ADGRL4: variants seen among roughly 807,000 people sequenced by gnomAD.
ADGRL4 encodes EGF, latrophilin and seven transmembrane domain containing 1.
ADGRL4 carries 90 observed loss-of-function variants against 74.8 expected under a neutral mutation model. The ratio of observed to expected loss-of-function variants is 1.20; its 90% confidence interval spans 1.02 to 1.43. The LOEUF (loss-of-function observed/expected upper bound fraction) is 1.43. ADGRL4 is among the 40% of genes most tolerant of loss of function. ADGRL4 has a pLI of 0.00. For missense variants in ADGRL4, 881 were observed against 814.3 expected (o/e 1.08, Z -1.00); for synonymous variants, 311 against 279.2 (o/e 1.11, Z -1.14).
intron 2 of ADGRL4, among the ~76,000 whole-genome samples, chr1:78,955,140 A>G (rs1356005407): frequency 2.6e-5 from 4 of 152,130 alleles, no homozygotes; most frequent in Non-Finnish European, 5.9e-5. Context: ...TAGACAAAAT[A>G]TAAGATCTCA....
At position 78,890,696 on chromosome 1, in the gene ADGRL4, A is replaced by C. The variant is rs1339221969; in HGVS notation, c.*458T>G. ...AAATACATCTTATCATTCCCTTTTC[A>C]CTGTTTGATATTCTGCCCCTTCATT... is the stretch of plus-strand genomic sequence containing the variant. On this transcript the variant is annotated 3_prime_UTR_variant, in exon 15 of 15. Transcript: ENST00000370742. 1 of 154,098 alleles carries C rather than the reference A, an allele frequency of 6.5e-6. No individual in the cohort carries two copies. The highest frequency in any genetic ancestry group is 1.9e-4 in the East Asian group (1 of 5,278). The allele number at this position is 154,098 out of a possible 1,614,324, so 9.5% of individuals were successfully genotyped here.
chr1:78,913,956 G>T (rs1648816453), intron 12 of ADGRL4, among the ~76,000 whole-genome samples: 1 of 151,768 alleles, frequency 6.6e-6, no homozygotes, highest in African/African-American at 2.4e-5. Flanking sequence ...TGACAATCTG[G>T]ACTAAGAAGT....
At chr1:78,999,383 G>C (rs1294149461) in intron 2 of ADGRL4, among the ~76,000 whole-genome samples, 2 of 152,130 alleles carry the variant, frequency 1.3e-5, no homozygotes, top group Admixed American at 1.3e-4. Context: ...GAATTAAAAT[G>C]TATTATAATC....
At chr1:78,927,593 A>T (rs1245465471) in intron 7 of ADGRL4, among the ~76,000 whole-genome samples, 1 of 152,142 alleles carries the variant, frequency 6.6e-6, no homozygotes, top group African/African-American at 2.4e-5. Context: ...TATTGATAAC[A>T]TGTAATTATG....
At chr1:79,003,588 T>G (rs1650886283) in intron 2 of ADGRL4, among the ~76,000 whole-genome samples, 1 of 151,980 alleles carries the variant, frequency 6.6e-6, no homozygotes, top group Admixed American at 6.6e-5. Context: ...CTGCATTAGA[T>G]AATGGAAGAT....
chr1:78,990,133 C>A (rs1415305136), intron 2 of ADGRL4, among the ~76,000 whole-genome samples: 1 of 151,916 alleles, frequency 6.6e-6, no homozygotes, highest in Non-Finnish European at 1.5e-5. Flanking sequence ...CATAGTGCTT[C>A]ATCCTCAAAA....
intron 3 of ADGRL4, among the ~76,000 whole-genome samples, chr1:78,941,791 C>T (rs1013225149): frequency 1.3e-5 from 2 of 152,276 alleles, no homozygotes; most frequent in African/African-American, 2.4e-5. Context: ...CTAAAACCTA[C>T]GGTTTCCTCT....
At chr1:78,946,762 T>C (rs974579296) in intron 2 of ADGRL4, among the ~76,000 whole-genome samples, 1 of 152,200 alleles carries the variant, frequency 6.6e-6, no homozygotes, top group Non-Finnish European at 1.5e-5. Context: ...TTTATGGTAC[T>C]CTTCATAATC....
intron 2 of ADGRL4, among the ~76,000 whole-genome samples, chr1:78,983,524 A>C (rs770355337): frequency 2.0e-4 from 31 of 151,808 alleles, no homozygotes; most frequent in Non-Finnish European, 4.1e-4. Flanking sequence ...AGAAAAAATG[A>C]AGTGAAAGAT....
intron 8 of ADGRL4, among the ~76,000 whole-genome samples, chr1:78,925,833 T>C (rs1649100942): frequency 6.6e-6 from 1 of 152,010 alleles, no homozygotes; most frequent in Non-Finnish European, 1.5e-5. Flanking sequence ...GCCAAACCAT[T>C]CCACTGATGA....
At chr1:78,923,644 A>G (rs534794406) in intron 8 of ADGRL4, among the ~76,000 whole-genome samples, 1 of 151,360 alleles carries the variant, frequency 6.6e-6, no homozygotes, top group African/African-American at 2.4e-5. Flanking sequence ...AGCTTTTTTA[A>G]AAAAATATAT....
chr1:78,939,039 A>C (rs1649419588), intron 4 of ADGRL4, 149 bp downstream of exon 4: 1 of 1,056,650 alleles, frequency 9.5e-7, no homozygotes, highest in African/African-American at 1.7e-5. Context: ...TTTGATGCAA[A>C]CATGATGCTT....
intron 12 of ADGRL4, among the ~76,000 whole-genome samples, chr1:78,896,518 G>A (rs1309943716): frequency 1.3e-5 from 2 of 152,036 alleles, no homozygotes; most frequent in African/African-American, 4.8e-5. Context: ...TAAGTTATCA[G>A]TCAGTGAACT....
intron 4 of ADGRL4, 70 bp from the exon 5 acceptor site, chr1:78,938,349 A>G (rs2100688708): frequency 1.5e-6 from 2 of 1,304,664 alleles, no homozygotes; most frequent in East Asian, 2.5e-5. Flanking sequence ...AATAAAACTT[A>G]CATGTTAAAT....
In ADGRL4 at chr1:79,006,694, C is replaced by T. The variant is rs1264072023; in HGVS notation, c.-40G>A. 11 of 1,461,282 alleles carry T rather than the reference C, an allele frequency of 7.5e-6. No homozygotes were observed. The highest frequency in any genetic ancestry group is 5.9e-5 in the African/African-American group (4 of 67,244). The allele number at this position is 1,461,282 out of a possible 1,614,324, so 90.5% of individuals were successfully genotyped here. A position where few individuals can be genotyped will look rare whatever the true frequency, so the allele number is the denominator to read the frequency against. ...GTGGTGGCGGTGGCGGAGAGCGCGG[C>T]GGAGTGAGTGCGGCTGTGGACCCGG... On this transcript the variant is annotated 5_prime_UTR_variant, in exon 1 of 15. Transcript: ENST00000370742.
chr1:78,969,155 CTCTT>C (rs1408614697), intron 2 of ADGRL4, among the ~76,000 whole-genome samples: 1 of 152,184 alleles, frequency 6.6e-6, no homozygotes, highest in African/African-American at 2.4e-5. Flanking sequence ...ATATTTGTCT[CTCTT>C]TCTCCCTGGC....
chr1:78,976,650 T>C (rs1490172881), intron 2 of ADGRL4, among the ~76,000 whole-genome samples: 1 of 151,548 alleles, frequency 6.6e-6, no homozygotes, highest in Non-Finnish European at 1.5e-5. Flanking sequence ...TTCTGAATCT[T>C]TATAAAAAAG....
At chr1:78,926,727 A>ATATTT (rs1649121549) in intron 8 of ADGRL4, among the ~76,000 whole-genome samples, 159 bp downstream of exon 8, 1 of 152,058 alleles carries the variant, frequency 6.6e-6, no homozygotes, top group Admixed American at 6.6e-5. Flanking sequence ...AACTACAAGA[A>ATATTT]TATTTTATAC....
intron 3 of ADGRL4, among the ~76,000 whole-genome samples, chr1:78,940,361 T>G (rs764575138): frequency 6.6e-6 from 1 of 152,156 alleles, no homozygotes; most frequent in African/African-American, 2.4e-5. Flanking sequence ...TGGTTCTTCA[T>G]ACACAATCAT....
Sources: allele counts gnomAD v4.1 joint callset (sites outside exome capture counted in the v4.1 genomes callset), GRCh38; gene constraint gnomAD v4.1.1; transcripts MANE v1.5; gene names NCBI Gene and HGNC (gene_info 2026-07-23, HGNC 2026-07-21).